Variants in GRM3 observed in about 807,000 individuals in gnomAD.
The protein encoded by GRM3 is glutamate metabotropic receptor 3.
GRM3 carries 26 observed loss-of-function variants against 70.5 expected under a neutral mutation model. That is an observed-to-expected ratio of 0.37 (90% CI 0.27 to 0.51). The LOEUF (loss-of-function observed/expected upper bound fraction) is 0.51. Ranked by LOEUF, GRM3 falls within the 20% of genes least tolerant of loss-of-function variation. The pLI is 0.93. For missense variants in GRM3, 859 were observed against 1,123.8 expected (o/e 0.76, Z 3.37); for synonymous variants, 443 against 434.9 (o/e 1.02, Z -0.23).
chr7:86,720,377 G>A (rs1327840303), intron 1 of GRM3, among the ~76,000 whole-genome samples: 1 of 152,038 alleles, frequency 6.6e-6, no homozygotes, highest in Non-Finnish European at 1.5e-5. Context: ...TAAAATGAGG[G>A]TACCATTGAG....
intron 1 of GRM3, among the ~76,000 whole-genome samples, chr7:86,665,279 G>A (rs1793998183): frequency 6.6e-6 from 1 of 151,968 alleles, no homozygotes; most frequent in African/African-American, 2.4e-5. Flanking sequence ...TATCCTGAAA[G>A]TCATATTAAA....
At chr7:86,669,334 C>T (rs942000303) in intron 1 of GRM3, among the ~76,000 whole-genome samples, 1 of 152,148 alleles carries the variant, frequency 6.6e-6, no homozygotes, top group Non-Finnish European at 1.5e-5. Flanking sequence ...ACACTAAGAA[C>T]TAGGGAAAGA....
chr7:86,648,738 A>G (rs1332644949), intron 1 of GRM3, among the ~76,000 whole-genome samples: 1 of 152,030 alleles, frequency 6.6e-6, no homozygotes, highest in African/African-American at 2.4e-5. Context: ...GAAAAAAAAA[A>G]CATAAAAAAA....
In GRM3 at chr7:86,726,712, A is replaced by G. The variant is rs377029943; in HGVS notation, c.-140-38294A>G. On this transcript the variant is annotated intron_variant, in intron 1 of 5. Coordinates refer to ENST00000361669, the MANE Select transcript of GRM3 (RefSeq NM_000840.3). ...AGTTACTTTTCAAGCACATAGTTAA[A>G]AATGAAAGCACTAAGAACTTCTTTA... Among the ~76,000 whole-genome samples the G allele has an allele frequency of 7.2e-5, 11 of 152,324 alleles. No individual in the cohort carries two copies. The East Asian group carries it at 1.9e-3, about 27-fold the overall frequency.
At chr7:86,677,701 C>T (rs181474718) in intron 1 of GRM3, among the ~76,000 whole-genome samples, 2 of 151,672 alleles carry the variant, frequency 1.3e-5, no homozygotes, top group Admixed American at 1.3e-4. Context: ...GTAAATATGC[C>T]CACCTAGCCA....
intron 1 of GRM3, among the ~76,000 whole-genome samples, chr7:86,665,568 A>G (rs969212496): frequency 6.6e-6 from 1 of 152,030 alleles, no homozygotes; most frequent in Non-Finnish European, 1.5e-5. Context: ...TCTGCATGTT[A>G]ATTAAAATAC....
intron 1 of GRM3, among the ~76,000 whole-genome samples, chr7:86,645,211 T>C (rs1315890272): frequency 6.6e-6 from 1 of 152,094 alleles, no homozygotes; most frequent in Non-Finnish European, 1.5e-5. Flanking sequence ...AGCTCTGGGC[T>C]CAGAATTTGT....
intron 1 of GRM3, among the ~76,000 whole-genome samples, chr7:86,725,834 G>C (rs552507717): frequency 6.6e-6 from 1 of 152,128 alleles, no homozygotes; most frequent in Non-Finnish European, 1.5e-5. Flanking sequence ...CATCCGCCTG[G>C]TTATGTCCTC....
chr7:86,760,129 T>C (rs766264372), intron 1 of GRM3, among the ~76,000 whole-genome samples: 3 of 152,120 alleles, frequency 2.0e-5, no homozygotes, highest in Non-Finnish European at 4.4e-5. Context: ...GGAAAGAGTA[T>C]GTATGGTTTC....
intron 3 of GRM3, among the ~76,000 whole-genome samples, chr7:86,810,528 A>G (rs553711739): frequency 1.4e-4 from 21 of 152,166 alleles, no homozygotes; most frequent in African/African-American, 5.1e-4. Flanking sequence ...ACCACTTCAC[A>G]TAATATATTG....
chr7:86,750,871 A>T (rs1796213435), intron 1 of GRM3, among the ~76,000 whole-genome samples: 1 of 152,090 alleles, frequency 6.6e-6, no homozygotes, highest in South Asian at 2.1e-4. Flanking sequence ...AGAGAAAAGA[A>T]TGTATACCTA....
chr7:86,846,942 A>C (rs185519875), intron 4 of GRM3, among the ~76,000 whole-genome samples: 61 of 152,296 alleles, frequency 4.0e-4, no homozygotes, highest in African/African-American at 1.4e-3. Flanking sequence ...AGTTTTACTA[A>C]TGCTAGCAAA....
intron 1 of GRM3, among the ~76,000 whole-genome samples, chr7:86,713,051 T>C (rs768290170): frequency 2.8e-4 from 42 of 152,102 alleles, no homozygotes; most frequent in Admixed American, 2.0e-4. Flanking sequence ...GGAACCTCTA[T>C]ACTATTCTTC....
At chr7:86,674,397 T>C (rs1287432223) in intron 1 of GRM3, among the ~76,000 whole-genome samples, 1 of 152,120 alleles carries the variant, frequency 6.6e-6, no homozygotes, top group Non-Finnish European at 1.5e-5. Flanking sequence ...ACTTCTGTGA[T>C]CTAGTTTCTG....
intron 5 of GRM3, among the ~76,000 whole-genome samples, chr7:86,863,806 A>G (rs1799005733): frequency 1.3e-5 from 2 of 152,216 alleles, no homozygotes; most frequent in Non-Finnish European, 2.9e-5. Context: ...TTTATAGATT[A>G]CCAAAGCTAA....
chr7:86,695,147 C>A (rs1243620522), intron 1 of GRM3, among the ~76,000 whole-genome samples: 2 of 152,096 alleles, frequency 1.3e-5, no homozygotes, highest in Admixed American at 6.5e-5. Context: ...TCTTTCTCAA[C>A]TGAAGTTCAT....
chr7:86,802,658 C>A (rs1797708779), intron 3 of GRM3, among the ~76,000 whole-genome samples: 1 of 151,176 alleles, frequency 6.6e-6, no homozygotes, highest in Non-Finnish European at 1.5e-5. Context: ...TTGAAGACTA[C>A]ATTTCTCTTC....
At chr7:86,650,327 A>G (rs540313631) in intron 1 of GRM3, among the ~76,000 whole-genome samples, 1 of 152,122 alleles carries the variant, frequency 6.6e-6, no homozygotes, top group Admixed American at 6.5e-5. Context: ...TTTCTTTACT[A>G]CCAATATTGC....
chr7:86,786,247 T>G lies in GRM3; in HGVS notation c.469-14T>G. On this transcript the variant is annotated splice_polypyrimidine_tract_variant and intron_variant, in intron 2 of 5. Coordinates refer to ENST00000361669, the MANE Select transcript of GRM3 (RefSeq NM_000840.3). This position sits in a 1 kb window ranked among gnomAD's most constrained non-coding sequence, Gnocchi z 6.0. ...CGGGGTTTCTAACAAAGGTCCTTCT[T>G]CTCCCTCCCCTAGGTGGCAAACCTG... 1 of 1,599,490 alleles carries G rather than the reference T, an allele frequency of 6.3e-7. No individual in the cohort carries two copies. Among genetic ancestry groups the G allele is most frequent in the Non-Finnish European group, 8.5e-7 (1 of 1,171,996 alleles).
Sources: gnomAD v4.1 joint callset for allele counts (sites outside exome capture counted in the v4.1 genomes callset) on GRCh38, gnomAD v4.1.1 for gene constraint, Gnocchi (gnomAD v3.1) non-coding constraint, MANE v1.5 for transcripts, NCBI Gene and HGNC (gene_info 2026-07-23, HGNC 2026-07-21) for gene names.